BRINP3: variants seen among roughly 807,000 people sequenced by gnomAD.
The protein encoded by BRINP3 is BMP/retinoic acid-inducible neural-specific protein 3.
A neutral mutation model predicts 71.0 loss-of-function variants in BRINP3; 19 were observed. The ratio of observed to expected loss-of-function variants is 0.27; its 90% confidence interval spans 0.19 to 0.39. The LOEUF (loss-of-function observed/expected upper bound fraction) is 0.39. Ranked by LOEUF, BRINP3 falls within the 10% of genes least tolerant of loss-of-function variation. The pLI, the probability that BRINP3 is intolerant of heterozygous loss-of-function variation, is 1.00. For synonymous variants in BRINP3, 380 were observed against 337.7 expected (o/e 1.13, Z -1.37); for missense variants, 959 against 940.8 (o/e 1.02, Z -0.25).
At chr1:190,252,997 G>A (rs966639078) in intron 4 of BRINP3, among the ~76,000 whole-genome samples, 1 of 151,972 alleles carries the variant, frequency 6.6e-6, no homozygotes, top group African/African-American at 2.4e-5. Flanking sequence ...TGTTCTCATT[G>A]TTCAACTACC....
chr1:190,228,319 T>C (rs1657599180), intron 5 of BRINP3, among the ~76,000 whole-genome samples: 1 of 151,954 alleles, frequency 6.6e-6, no homozygotes. Flanking sequence ...AGACCTAAGG[T>C]AACAGTAATT....
intron 7 of BRINP3, among the ~76,000 whole-genome samples, chr1:190,144,577 A>AT (rs1336438751): frequency 6.6e-6 from 1 of 151,950 alleles, no homozygotes; most frequent in Non-Finnish European, 1.5e-5. Context: ...TTTTTGTATA[A>AT]TTTTTGTTAA....
At chr1:190,390,138 G>A (rs1671161181) in intron 2 of BRINP3, among the ~76,000 whole-genome samples, 1 of 151,580 alleles carries the variant, frequency 6.6e-6, no homozygotes, top group African/African-American at 2.4e-5. Flanking sequence ...AATTACAGCA[G>A]GTAAATCTTG....
chr1:190,291,263 T>C (rs1185378039), intron 2 of BRINP3, among the ~76,000 whole-genome samples: 1 of 151,954 alleles, frequency 6.6e-6, no homozygotes, highest in Non-Finnish European at 1.5e-5. Context: ...ATAGGTGATA[T>C]AGTATAGTCC....
intron 6 of BRINP3, among the ~76,000 whole-genome samples, chr1:190,165,134 G>A (rs935388900): frequency 2.6e-5 from 4 of 151,536 alleles, no homozygotes; most frequent in Admixed American, 6.6e-5. Context: ...AATAAAAAGA[G>A]AAATAGAAAA....
chr1:190,462,713 T>C (rs1344038616), intron 1 of BRINP3, among the ~76,000 whole-genome samples: 1 of 152,126 alleles, frequency 6.6e-6, no homozygotes. Context: ...GTAGTATATA[T>C]TAAGATCTCA....
At chr1:190,188,701 C>T (rs1343917248) in intron 6 of BRINP3, among the ~76,000 whole-genome samples, 1 of 150,360 alleles carries the variant, frequency 6.7e-6, no homozygotes, top group African/African-American at 2.4e-5. Context: ...GGGATAAATC[C>T]CACTTAATCA....
chr1:190,176,429 T>C (rs1424395519), intron 6 of BRINP3, among the ~76,000 whole-genome samples: 1 of 152,170 alleles, frequency 6.6e-6, no homozygotes, highest in East Asian at 1.9e-4. Flanking sequence ...ACATAACCCT[T>C]TGTAAAGGAC....
chr1:190,098,150 A>G lies in BRINP3; in HGVS notation c.2169T>C (p.Leu723=). 2 of 1,614,174 alleles carry G rather than the reference A, an allele frequency of 1.2e-6. No homozygotes were observed. Among genetic ancestry groups the G allele is most frequent in the Non-Finnish European group, 1.7e-6 (2 of 1,180,032 alleles). ...LSPPGQRRLD[L]FSCLLRHRLK... ...GTCTATGACGAAGCAAGCAAGAGAA[A>G]AGATCTAGACGACGCTGACCAGGTG... The change falls in exon 8 of 8, where the codon CTT becomes CTC. Residue 723 remains leucine, a synonymous_variant. Coordinates refer to ENST00000367462, the MANE Select transcript of BRINP3 (RefSeq NM_199051.3).
intron 6 of BRINP3, among the ~76,000 whole-genome samples, chr1:190,184,794 C>T (rs1320069634): frequency 6.6e-6 from 1 of 152,058 alleles, no homozygotes; most frequent in Non-Finnish European, 1.5e-5. Context: ...ATACTATATT[C>T]ACTACCTGGG....
chr1:190,284,529 T>G (rs147755125), intron 2 of BRINP3, among the ~76,000 whole-genome samples: 1 of 152,156 alleles, frequency 6.6e-6, no homozygotes, highest in African/African-American at 2.4e-5. Context: ...CCAACTCCTC[T>G]ACCCATTTAT....
chr1:190,359,307 G>C (rs1668972469), intron 2 of BRINP3, among the ~76,000 whole-genome samples: 1 of 152,056 alleles, frequency 6.6e-6, no homozygotes, highest in Non-Finnish European at 1.5e-5. Flanking sequence ...GGACTAGACA[G>C]ATATTAACAC....
At chr1:190,156,087 A>G (rs1355894029) in intron 7 of BRINP3, among the ~76,000 whole-genome samples, 2 of 152,118 alleles carry the variant, frequency 1.3e-5, no homozygotes, top group Non-Finnish European at 2.9e-5. Context: ...CAGGCTTTAG[A>G]GTTTACTCAA....
chr1:190,452,789 G>A (rs979636960), intron 2 of BRINP3, among the ~76,000 whole-genome samples: 6 of 152,060 alleles, frequency 3.9e-5, no homozygotes, highest in African/African-American at 1.2e-4. Context: ...CCCAGGAGGC[G>A]GAGGTTGCAG....
chr1:190,419,978 A>G (rs1673265904), intron 2 of BRINP3, among the ~76,000 whole-genome samples: 1 of 152,010 alleles, frequency 6.6e-6, no homozygotes, highest in Admixed American at 6.6e-5. Flanking sequence ...TTGGTATAAT[A>G]TGTTTGCAAG....
intron 2 of BRINP3, among the ~76,000 whole-genome samples, chr1:190,437,804 GC>G (rs1471128308): frequency 1.3e-5 from 2 of 151,666 alleles, no homozygotes; most frequent in African/African-American, 4.8e-5. Context: ...ACATGGAAAT[GC>G]AATTAATCCA....
intron 7 of BRINP3, among the ~76,000 whole-genome samples, chr1:190,124,868 C>A (rs1653961605): frequency 6.6e-6 from 1 of 151,994 alleles, no homozygotes; most frequent in African/African-American, 2.4e-5. Context: ...TACCTAAAAT[C>A]TTTACAGATA....
intron 2 of BRINP3, among the ~76,000 whole-genome samples, chr1:190,314,799 C>T (rs1665770003): frequency 6.6e-6 from 1 of 152,094 alleles, no homozygotes; most frequent in Non-Finnish European, 1.5e-5. Flanking sequence ...TAAACGGAGA[C>T]CTTGAATGCA....
At position 190,203,753 on chromosome 1, in the gene BRINP3, ATATATATATAT is replaced by A. The variant is rs1655224586; in HGVS notation, c.961+22318_961+22328del. On this transcript the variant is annotated intron_variant, in intron 6 of 7. Coordinates refer to ENST00000367462, the MANE Select transcript of BRINP3 (RefSeq NM_199051.3). The stretch of plus-strand genomic sequence containing the variant: ...AAAGCAAGATATCACTAAAGAAAAT[ATATATATATAT>A]ATATATATATATATATATATATATA... 9.9e-3 allele frequency among the ~76,000 whole-genome samples: 53 copies of A among 5,362 alleles called. 2 individuals are homozygous for A. Among genetic ancestry groups the A allele is most frequent in the Middle Eastern group, 0.071 (1 of 14 alleles). The allele number at this position is 5,362 out of a possible 152,430, so 3.5% of individuals were successfully genotyped here. A position where few individuals can be genotyped will look rare whatever the true frequency, so the allele number is the denominator to read the frequency against.
Sources: gnomAD v4.1 joint callset for allele counts (sites outside exome capture counted in the v4.1 genomes callset) on GRCh38, gnomAD v4.1.1 for gene constraint, MANE v1.5 for transcripts, NCBI Gene and HGNC (gene_info 2026-07-23, HGNC 2026-07-21) for gene names.